RASSF3: variants seen among roughly 807,000 people sequenced by gnomAD.
RASSF3 encodes Ras association domain family member 3, also known as ras association domain-containing protein 3.
Under a neutral mutation model 19.9 loss-of-function variants are expected in RASSF3, and 19 were observed. That is an observed-to-expected ratio of 0.96 (90% CI 0.67 to 1.40). The LOEUF (loss-of-function observed/expected upper bound fraction) is 1.40, where lower values mean the gene tolerates loss of function less well. Among genes scored for constraint, RASSF3 ranks in the 40% most tolerant of loss-of-function variants. The pLI is 0.00. For synonymous variants in RASSF3, 110 were observed against 104.2 expected (o/e 1.06, Z -0.34); for missense variants, 306 against 289.8 (o/e 1.06, Z -0.41).
upstream of RASSF3, among the ~76,000 whole-genome samples, chr12:64,610,146 C>T (rs1160831425): frequency 2.0e-5 from 3 of 152,192 alleles, no homozygotes; most frequent in African/African-American, 7.2e-5. Flanking sequence ...TGCTCCCGCC[C>T]TCTCCGAAAC....
intron 1 of RASSF3, among the ~76,000 whole-genome samples, chr12:64,657,982 G>A (rs1872218565): frequency 1.3e-5 from 2 of 152,152 alleles, no homozygotes; most frequent in African/African-American, 2.4e-5. Flanking sequence ...AGCCCAGGAA[G>A]TTGAGGCTGC....
chr12:64,694,395 C>T (rs777673318), intron 4 of RASSF3, among the ~76,000 whole-genome samples: 14 of 152,146 alleles, frequency 9.2e-5, no homozygotes, highest in Non-Finnish European at 1.9e-4. Flanking sequence ...GTAAGAAAGT[C>T]AGTTACAATG....
Position 64,657,297 on chromosome 12 carries a change from G to A in RASSF3, c.112-27490G>A, listed in dbSNP as rs147460944. ...TGGGATTACAGGGGTGAGCCACCACGCTGGGCGATACAGAGTTTCAGCTGG... is the reference window on the plus strand; with the variant it reads ...TGGGATTACAGGGGTGAGCCACCACACTGGGCGATACAGAGTTTCAGCTGG... On this transcript the variant is annotated intron_variant, in intron 1 of 4. Transcript: ENST00000542104. 1.1e-4 allele frequency among the ~76,000 whole-genome samples: 17 copies of A among 152,174 alleles called. No individual in the cohort carries two copies. In the East Asian group the frequency reaches 2.7e-3, roughly 24 times the overall value.
intron 1 of RASSF3, among the ~76,000 whole-genome samples, chr12:64,652,037 G>A (rs759676555): frequency 2.6e-5 from 4 of 152,122 alleles, no homozygotes; most frequent in South Asian, 2.1e-4. Context: ...ATTATTAGAC[G>A]TGCTAAGGCA....
intron 1 of RASSF3, among the ~76,000 whole-genome samples, chr12:64,614,741 A>T (rs1322960804): frequency 4.8e-5 from 7 of 146,550 alleles, no homozygotes; most frequent in African/African-American, 1.8e-4. Flanking sequence ...TGTGTCACCC[A>T]GACTGGAGTG....
chr12:64,656,285 CAT>C (rs1457931258), intron 1 of RASSF3, among the ~76,000 whole-genome samples: 6 of 151,988 alleles, frequency 3.9e-5, no homozygotes, highest in Non-Finnish European at 8.8e-5. Context: ...AGCTTAAAAA[CAT>C]ATTATTGGGC....
intron 1 of RASSF3, among the ~76,000 whole-genome samples, chr12:64,524,775 G>A (rs1311345219): frequency 6.6e-6 from 1 of 152,172 alleles, no homozygotes; most frequent in African/African-American, 2.4e-5. Flanking sequence ...ATCATGCTTG[G>A]AACCAAGGAC....
chr12:64,528,795 C>A (rs894395877), upstream of RASSF3, among the ~76,000 whole-genome samples: 1 of 152,142 alleles, frequency 6.6e-6, no homozygotes, highest in South Asian at 2.1e-4. Context: ...CATGCCAGGC[C>A]CCCCGCAGCT....
At chr12:64,659,708 G>A (rs1872275775) in intron 1 of RASSF3, among the ~76,000 whole-genome samples, 1 of 152,138 alleles carries the variant, frequency 6.6e-6, no homozygotes, top group Admixed American at 6.6e-5. Flanking sequence ...AGCACTTTGG[G>A]AGGCTGAGGT....
chr12:64,656,046 AT>A (rs1471443119), intron 1 of RASSF3, among the ~76,000 whole-genome samples: 2 of 149,124 alleles, frequency 1.3e-5, no homozygotes, highest in Admixed American at 6.7e-5. Flanking sequence ...AAAAAAAAAA[AT>A]TATAAATCCT....
intron 1 of RASSF3, among the ~76,000 whole-genome samples, chr12:64,676,870 G>A (rs939805066): frequency 1.2e-4 from 18 of 151,762 alleles, no homozygotes; most frequent in African/African-American, 4.1e-4. Flanking sequence ...CTGGGCTCAA[G>A]TGATCCTCCT....
Position 64,540,525 on chromosome 12 carries a change from G to A in RASSF3, c.68-1056G>A, listed in dbSNP as rs548714428. On this transcript the variant is annotated intron_variant, in intron 1 of 1. Transcript: ENST00000636333. ...TTGGCTATTATTTATAACAGCCAAA[G>A]AGGGGAAACAGCCTAAATGGCCATC... is the stretch of plus-strand genomic sequence containing the variant. Among the ~76,000 whole-genome samples, 32 of 152,306 alleles carry A rather than the reference G, an allele frequency of 2.1e-4. 1 individual carries two copies. Among genetic ancestry groups the A allele is most frequent in the Admixed American group, 1.1e-3 (17 of 15,296 alleles).
rs1870322008 is a variant in RASSF3 at position 64,610,741 on chromosome 12, C to G, written c.109C>G (p.Gln37Glu). The G allele has an allele frequency of 1.9e-6, 3 of 1,579,100 alleles. No homozygotes were observed. Among genetic ancestry groups the G allele is most frequent in the African/African-American group, 1.4e-5 (1 of 71,422 alleles). Residue 37 changes from glutamine to glutamate, a missense_variant and splice_region_variant, in exon 1 of 5, where the codon CAA becomes GAA. Physicochemically the swap from Gln to Glu is conservative, Grantham distance 29. Transcript: ENST00000542104. ...CCAGGGCAAGCCCCGCTCCGGCCAA[C>G]AAGTGAGTGGCGCGCGGCGGGCGCT... ...APQGKPRSGQ[Q>E]DVEKEKETHS...
At chr12:64,564,341 C>T (rs943810761) in intron 2 of RASSF3, among the ~76,000 whole-genome samples, 11 of 152,056 alleles carry the variant, frequency 7.2e-5, no homozygotes, top group Admixed American at 4.6e-4. Flanking sequence ...TTGTTAGCCC[C>T]CTAAATTCAG....
intron 1 of RASSF3, among the ~76,000 whole-genome samples, chr12:64,517,184 A>G (rs368982739): frequency 1.9e-4 from 29 of 152,164 alleles, no homozygotes; most frequent in African/African-American, 6.7e-4. Flanking sequence ...ACCTAACAAG[A>G]CATGTATAAG....
chr12:64,625,997 A>G (rs1454471490), intron 1 of RASSF3, among the ~76,000 whole-genome samples: 2 of 151,788 alleles, frequency 1.3e-5, no homozygotes, highest in Non-Finnish European at 2.9e-5. Context: ...TTTTCATATT[A>G]TCTCTCCACC....
At chr12:64,543,637 G>A (rs928500091), downstream of RASSF3, among the ~76,000 whole-genome samples, 1 of 147,092 alleles carries the variant, frequency 6.8e-6, no homozygotes, top group Non-Finnish European at 1.5e-5. Context: ...TGAGGAGTGC[G>A]GGCGCACGGC....
intron 2 of RASSF3, among the ~76,000 whole-genome samples, chr12:64,685,116 A>C (rs1873297510): frequency 6.6e-6 from 1 of 152,264 alleles, no homozygotes. Context: ...ACCTTAAAAA[A>C]GTGAAACACT....
At chr12:64,643,083 G>A (rs1871602127) in intron 1 of RASSF3, among the ~76,000 whole-genome samples, 1 of 151,692 alleles carries the variant, frequency 6.6e-6, no homozygotes, top group Non-Finnish European at 1.5e-5. Context: ...TTGAACTCCT[G>A]AGCTCAGGTG....
Sources: allele counts gnomAD v4.1 joint callset (sites outside exome capture counted in the v4.1 genomes callset), GRCh38; gene constraint gnomAD v4.1.1; transcripts MANE v1.5; gene names NCBI Gene and HGNC (gene_info 2026-07-23, HGNC 2026-07-21).